Variants in SLC16A1 observed in about 807,000 individuals in gnomAD.
SLC16A1 encodes monocarboxylate transporter 1.
In SLC16A1, 11 loss-of-function variants were observed where a neutral mutation model predicts 32.2. That is an observed-to-expected ratio of 0.34 (90% confidence interval 0.21 to 0.56). The LOEUF is 0.56. SLC16A1 is among the 20% of genes least tolerant of loss of function. SLC16A1 has a pLI of 0.87. For synonymous variants in SLC16A1, 231 were observed against 226.8 expected (o/e 1.02, Z -0.17); for missense variants, 435 against 615.0 (o/e 0.71, Z 3.10).
intron 1 of SLC16A1, among the ~76,000 whole-genome samples, chr1:112,953,193 C>T (rs1414628514): frequency 2.9e-5 from 4 of 139,416 alleles, no homozygotes; most frequent in East Asian, 4.4e-4. Context: ...CTTGCTCTGT[C>T]GCCTGAGCTG....
At chr1:112,944,724 G>A (rs566452281) in intron 1 of SLC16A1, among the ~76,000 whole-genome samples, 4 of 151,874 alleles carry the variant, frequency 2.6e-5, no homozygotes, top group South Asian at 2.1e-4. Flanking sequence ...ACGGAGTCTC[G>A]CTCTGTCGCT....
At chr1:112,923,347 G>T in intron 2 of SLC16A1, 4 of 509,560 alleles carry the variant, frequency 7.8e-6, no homozygotes, top group Middle Eastern at 5.5e-4. Context: ...CCACGCGGCC[G>T]CCAACTCCAG....
chr1:112,931,061 C>T (rs1649111871), intron 1 of SLC16A1, among the ~76,000 whole-genome samples: 1 of 152,036 alleles, frequency 6.6e-6, no homozygotes, highest in African/African-American at 2.4e-5. Flanking sequence ...AGTTTTTTAC[C>T]TTTTCCAAAA....
chr1:112,924,018 T>C, intron 2 of SLC16A1: 1 of 1,347,630 alleles, frequency 7.4e-7, no homozygotes. Flanking sequence ...GGGCCGCTTC[T>C]TTGGGACTCA....
At chr1:112,922,460 T>G (rs1648770130) in intron 2 of SLC16A1, 1 of 363,194 alleles carries the variant, frequency 2.8e-6, no homozygotes, top group Non-Finnish European at 5.2e-6. Context: ...TCTTGATGTA[T>G]CTAGGATACG....
intron 1 of SLC16A1, among the ~76,000 whole-genome samples, chr1:112,940,963 T>G (rs186390793): frequency 7.0e-4 from 106 of 152,258 alleles, no homozygotes; most frequent in African/African-American, 2.4e-3. Context: ...TTTTTCTCAC[T>G]TATAAGTGTG....
intron 1 of SLC16A1, chr1:112,955,270 A>G (rs1394953878): frequency 6.6e-6 from 1 of 151,878 alleles, no homozygotes; most frequent in Non-Finnish European, 1.5e-5. Flanking sequence ...AAAAAAAAAG[A>G]CGTACTTGGA....
chr1:112,934,618 C>T (rs1255887125), intron 1 of SLC16A1, among the ~76,000 whole-genome samples: 3 of 152,136 alleles, frequency 2.0e-5, no homozygotes, highest in Admixed American at 1.3e-4. Context: ...GGAGACAATA[C>T]AGAAGCAAAA....
At position 112,929,099 on chromosome 1, in the gene SLC16A1, A is replaced by G. The variant is rs1423873347; in HGVS notation, c.210T>C (p.Tyr70=). Residue 70 remains tyrosine, a synonymous_variant, in exon 2 of 5, where the codon TAT becomes TAC. Transcript: ENST00000369626. ...WISSIMLAVM[Y]GGGPISSILV... Reference sequence around the variant, plus strand: ...GCCTTAATGGGTACTTACCTCCACCATACATGACAGCCAACATTATGGAGG... The same window carrying G: ...GCCTTAATGGGTACTTACCTCCACCGTACATGACAGCCAACATTATGGAGG... The G allele has an allele frequency of 6.2e-7, 1 of 1,613,458 alleles. No individual in the cohort carries two copies. Among genetic ancestry groups the G allele is most frequent in the Admixed American group, 1.7e-5 (1 of 59,982 alleles).
intron 2 of SLC16A1, chr1:112,924,408 T>A (rs1413454516): frequency 9.3e-7 from 1 of 1,074,326 alleles, no homozygotes; most frequent in Non-Finnish European, 1.4e-6. Flanking sequence ...ACACTTTCTT[T>A]AATTTAGAAG....
At position 112,929,290 on chromosome 1, in the gene SLC16A1, C is replaced by A. The variant is rs146450422; in HGVS notation, c.19G>T (p.Gly7Cys). 3.7e-6 allele frequency: 6 copies of A among 1,613,922 alleles called. No homozygotes were observed. The highest frequency in any genetic ancestry group is 5.1e-6 in the Non-Finnish European group (6 of 1,180,030). Residue 7 changes from glycine (G) to cysteine (C), a missense_variant, in exon 2 of 5, where the codon GGT (glycine) becomes TGT (cysteine). Physicochemically the swap from Gly to Cys is radical, Grantham distance 159. Coordinates refer to ENST00000369626, the MANE Select transcript of SLC16A1 (RefSeq NM_003051.4). MPPAVG[G>C]PVGYTPPDGG... ...TCTGGGGGGGTGTATCCAACTGGAC[C>A]TCCAACTGCTGGTGGCATTTTAAGT...
chr1:112,921,516 A>T (rs528505801), intron 3 of SLC16A1, among the ~76,000 whole-genome samples: 1 of 151,644 alleles, frequency 6.6e-6, no homozygotes, highest in Non-Finnish European at 1.5e-5. Context: ...GGAAGGATAT[A>T]CATAGAAATG....
intron 1 of SLC16A1, among the ~76,000 whole-genome samples, chr1:112,943,475 C>T (rs957279501): frequency 3.3e-5 from 5 of 152,124 alleles, no homozygotes; most frequent in African/African-American, 1.2e-4. Context: ...CAAACTTCAT[C>T]GTATTGTTTT....
At position 112,917,726 on chromosome 1, in the gene SLC16A1, T is replaced by G; in HGVS notation, c.680A>C (p.His227Pro). 6.2e-7 allele frequency: 1 copy of G among 1,614,248 alleles called. No homozygotes were observed. Among genetic ancestry groups the G allele is most frequent in the Non-Finnish European group, 8.5e-7 (1 of 1,180,046 alleles). Residue 227 changes from histidine (H) to proline (P), a missense_variant, in exon 4 of 5, where the codon CAT becomes CCT. Physicochemically the swap from His to Pro is moderately conservative, Grantham distance 77 (BLOSUM62 -2). This residue lies in a region of SLC16A1 where 324 missense variants were observed against 500.3 expected (regional missense o/e 0.65). Transcript: ENST00000369626. The surrounding 1 kb of genome is among the most constrained non-coding windows in gnomAD (Gnocchi z 4.1). The stretch of plus-strand genomic sequence containing the variant: ...TCCAATAAGATCTGTATTTGCATCA[T>G]GCAGATCTTTTTTCACACCAGATTT... Reference protein sequence around the residue: ...AGKSGVKKDLHDANTDLIGRH... With the variant: ...AGKSGVKKDLPDANTDLIGRH...
In SLC16A1 at chr1:112,922,143, A is replaced by G; in HGVS notation, c.218-10T>C. The stretch of plus-strand genomic sequence containing the variant: ...ATACTGCTGATAGGACCTAAAAGAC[A>G]ACCAAAAATGTAGTAATATAAAGGA... On this transcript the variant is annotated splice_polypyrimidine_tract_variant and intron_variant, in intron 2 of 4. Transcript: ENST00000369626. 6.2e-7 allele frequency: 1 copy of G among 1,613,890 alleles called. No homozygotes were observed. Among genetic ancestry groups the G allele is most frequent in the South Asian group, 1.1e-5 (1 of 91,070 alleles).
rs115214246 is a variant in SLC16A1 at position 112,954,645 on chromosome 1, C to G, written c.-45+1390G>C. 2.4e-3 allele frequency among the ~76,000 whole-genome samples: 370 copies of G among 152,304 alleles called. 1 individual carries two copies. Among genetic ancestry groups the G allele is most frequent in the African/African-American group, 8.4e-3 (348 of 41,570 alleles). Reference sequence around the variant, plus strand: ...TTACAACTAAACCTTCAAATCTATTCAGCTATAAAAATCTTACAAAATGCT... The same window carrying G: ...TTACAACTAAACCTTCAAATCTATTGAGCTATAAAAATCTTACAAAATGCT... On this transcript the variant is annotated intron_variant, in intron 1 of 4. Coordinates refer to ENST00000369626, the MANE Select transcript of SLC16A1 (RefSeq NM_003051.4).
chr1:112,919,238 A>G (rs1277471933), intron 3 of SLC16A1, among the ~76,000 whole-genome samples: 3 of 151,818 alleles, frequency 2.0e-5, no homozygotes, highest in African/African-American at 7.2e-5. Context: ...GTTTCACCGT[A>G]TTAGCCAGGA....
chr1:112,929,672 C>T (rs745961081), intron 1 of SLC16A1, among the ~76,000 whole-genome samples: 5 of 152,094 alleles, frequency 3.3e-5, no homozygotes, highest in Non-Finnish European at 1.5e-5. Flanking sequence ...ATAAGTAGAC[C>T]CCAACTTTAC....
At chr1:112,927,514 G>A (rs1648983842) in intron 2 of SLC16A1, among the ~76,000 whole-genome samples, 1 of 152,090 alleles carries the variant, frequency 6.6e-6, no homozygotes, top group Non-Finnish European at 1.5e-5. Flanking sequence ...ACTATTAGGG[G>A]ATATACTATT....
Sources: allele counts gnomAD v4.1 joint callset (sites outside exome capture counted in the v4.1 genomes callset), GRCh38; gene constraint gnomAD v4.1.1; regional missense constraint gnomAD v4.1.1; non-coding constraint Gnocchi (gnomAD v3.1); transcripts MANE v1.5; gene names NCBI Gene and HGNC (gene_info 2026-07-23, HGNC 2026-07-21).